SCARA3: variants seen among roughly 807,000 people sequenced by gnomAD.
SCARA3 encodes scavenger receptor class A member 3.
In SCARA3, 39 loss-of-function variants were observed where a neutral mutation model predicts 47.0. The ratio of observed to expected loss-of-function variants is 0.83; its 90% CI spans 0.64 to 1.08. The LOEUF (loss-of-function observed/expected upper bound fraction) is 1.08. Among genes scored for constraint, SCARA3 ranks in the 50% least tolerant of loss-of-function variants. SCARA3 has a pLI of 0.00. For missense variants in SCARA3, 724 were observed against 792.3 expected, an observed-to-expected ratio of 0.91 and a Z score of 1.04; for synonymous variants, 356 against 334.1, an observed-to-expected ratio of 1.07 and a Z score of -0.71.
chr8:27,658,912 CT>C lies in SCARA3; in HGVS notation c.743del (p.Leu248ProfsTer152). ...QRKTDEETLT[L>X]QKIVTDWQNY... Reference sequence around the variant, plus strand: ...GAAGACAGACGAGGAGACCCTGACCCTCCAGAAGATTGTCACCGACTGGCAG... The same window carrying C: ...GAAGACAGACGAGGAGACCCTGACCCCCAGAAGATTGTCACCGACTGGCAG... On this transcript the variant is annotated frameshift_variant, in exon 5 of 6. Coordinates refer to ENST00000301904, the MANE Select transcript of SCARA3 (RefSeq NM_016240.3). LOFTEE classifies it high-confidence loss of function. The C allele has an allele frequency of 6.2e-7, 1 of 1,614,150 alleles. No individual in the cohort carries two copies. Among genetic ancestry groups the C allele is most frequent in the Non-Finnish European group, 8.5e-7 (1 of 1,180,016 alleles).
chr8:27,646,090 C>T (rs908271941), intron 1 of SCARA3, among the ~76,000 whole-genome samples: 2 of 152,072 alleles, frequency 1.3e-5, no homozygotes. Context: ...CCCCACAGTC[C>T]GGGGCTTAGT....
chr8:27,673,941 G>A (rs1046366484), downstream of SCARA3, among the ~76,000 whole-genome samples: 6 of 152,184 alleles, frequency 3.9e-5, no homozygotes, highest in Non-Finnish European at 5.9e-5. Flanking sequence ...CAAGGACTGA[G>A]AGCAGTTGAG....
the SCARA3 span, among the ~76,000 whole-genome samples, chr8:27,713,956 G>C: frequency 6.6e-6 from 1 of 152,018 alleles, no homozygotes; most frequent in South Asian, 2.1e-4. Context: ...TTGCCATTGC[G>C]AGCTCTTGTG....
At position 27,659,011 on chromosome 8, in the gene SCARA3, G is replaced by A; in HGVS notation, c.841G>A (p.Ala281Thr). The change falls in exon 5 of 6, where the codon GCC becomes ACC. Residue 281 changes from alanine (A) to threonine (T), a missense_variant. By Grantham distance (58) the Ala-to-Thr change is moderately conservative (BLOSUM62 0). Transcript: ENST00000301904. ...TGGAGAGGCGGTCAAGAACATCCAGGCCACCCTGGGGGCCTCCTCACAGCG... is the reference window on the plus strand; with the variant it reads ...TGGAGAGGCGGTCAAGAACATCCAGACCACCCTGGGGGCCTCCTCACAGCG... ...KTGEAVKNIQ[A>T]TLGASSQRIS... 1.2e-6 allele frequency: 2 copies of A among 1,614,030 alleles called. No homozygotes were observed. The highest frequency in any genetic ancestry group is 8.5e-7 in the Non-Finnish European group (1 of 1,180,000).
intron 5 of SCARA3, among the ~76,000 whole-genome samples, chr8:27,670,135 G>T (rs1423713045): frequency 6.6e-6 from 1 of 152,172 alleles, no homozygotes; most frequent in Admixed American, 6.5e-5. Flanking sequence ...TCACAGGAGG[G>T]TCCATGGCTG....
the SCARA3 span, among the ~76,000 whole-genome samples, chr8:27,716,506 T>C: frequency 1.3e-5 from 2 of 152,128 alleles, no homozygotes; most frequent in Non-Finnish European, 2.9e-5. Flanking sequence ...CTCCTGCTAC[T>C]CAAATCTGGA....
the SCARA3 span, among the ~76,000 whole-genome samples, chr8:27,726,991 C>T: frequency 6.6e-6 from 1 of 152,066 alleles, no homozygotes; most frequent in Non-Finnish European, 1.5e-5. Flanking sequence ...TCAGGCTGGT[C>T]TTGAACTCCT....
In SCARA3 at chr8:27,670,832, C is replaced by T. The variant is rs1802130050; in HGVS notation, c.1370-68C>T. On this transcript the variant is annotated intron_variant, in intron 5 of 5. Coordinates refer to ENST00000301904, the MANE Select transcript of SCARA3 (RefSeq NM_016240.3). ...TCGGGCTGTCGCCGTGCCCGCTCTG[C>T]TCATGGGCGAGCCTCGGGTGGGGAG... 4 of 1,371,102 alleles carry T rather than the reference C, an allele frequency of 2.9e-6. No individual in the cohort carries two copies. The East Asian group carries it at 9.6e-5, about 33-fold the overall frequency. 84.9% of individuals were successfully genotyped at this position (1,371,102 alleles called of 1,614,324 possible).
the SCARA3 span, among the ~76,000 whole-genome samples, chr8:27,722,140 T>C: frequency 6.6e-6 from 1 of 152,230 alleles, no homozygotes; most frequent in Admixed American, 6.5e-5. Flanking sequence ...AAGGATGATA[T>C]GGTAGCATGA....
chr8:27,673,270 G>A (rs542398579), downstream of SCARA3, among the ~76,000 whole-genome samples: 4 of 152,348 alleles, frequency 2.6e-5, no homozygotes, highest in South Asian at 6.2e-4. Flanking sequence ...GCCTGGCCCT[G>A]GAGCTCTTTG....
chr8:27,640,121 C>T (rs1257483843), intron 1 of SCARA3, among the ~76,000 whole-genome samples: 2 of 152,188 alleles, frequency 1.3e-5, no homozygotes, highest in East Asian at 1.9e-4. Context: ...ATCTCTTTAT[C>T]GGGAGGCAAG....
chr8:27,659,964 A>G (rs1161804179), intron 5 of SCARA3, among the ~76,000 whole-genome samples: 3 of 151,550 alleles, frequency 2.0e-5, no homozygotes, highest in African/African-American at 4.9e-5. Flanking sequence ...TTTGCCTATT[A>G]TACAAATCTG....
chr8:27,710,590 C>G, the SCARA3 span, among the ~76,000 whole-genome samples: 68 of 152,186 alleles, frequency 4.5e-4, no homozygotes, highest in African/African-American at 1.4e-3. Context: ...ACTCCACTTT[C>G]CAAAACAAAC....
Position 27,672,165 on chromosome 8 carries a change from G to A in SCARA3, c.*814G>A, listed in dbSNP as rs34362688. The A allele has an allele frequency of 2.3e-4, 222 of 985,424 alleles. 1 individual carries two copies. In the African/African-American group the frequency reaches 3.2e-3, roughly 14 times the overall value. The allele number at this position is 985,424 out of a possible 1,614,324, so 61.0% of individuals were successfully genotyped here. On this transcript the variant is annotated 3_prime_UTR_variant, in exon 6 of 6. Transcript: ENST00000301904. ...GTCTGTCACAGCACAGTGGGGCCAC[G>A]AGGCTGACATTCTCTGGCCTTGCAC...
At chr8:27,704,403 G>T in the SCARA3 span, among the ~76,000 whole-genome samples, 1 of 152,094 alleles carries the variant, frequency 6.6e-6, no homozygotes, top group Non-Finnish European at 1.5e-5. Context: ...CTATGATTAT[G>T]CCACTGCACT....
chr8:27,663,294 A>C lies in SCARA3; in HGVS notation c.1369+3755A>C, dbSNP rs201449010. Among the ~76,000 whole-genome samples the C allele has an allele frequency of 3.7e-4, 56 of 152,342 alleles. No individual in the cohort carries two copies. In the East Asian group the frequency reaches 8.7e-3, roughly 24 times the overall value. ...AGGTGGTACCTACATGTCCTGCAGA[A>C]CCATCTGTAAACCAGGACTGAATCT... On this transcript the variant is annotated intron_variant, in intron 5 of 5. Transcript: ENST00000301904.
chr8:27,658,481 C>T lies in SCARA3; in HGVS notation c.326-15C>T. On this transcript the variant is annotated splice_polypyrimidine_tract_variant and intron_variant, in intron 4 of 5. Transcript: ENST00000301904. Reference sequence around the variant, plus strand: ...GCCCTTCAGCAACTCAAACTGTTATCCCTTTCCCCTAAAGATCCGAAAGCC... The same window carrying T: ...GCCCTTCAGCAACTCAAACTGTTATTCCTTTCCCCTAAAGATCCGAAAGCC... 6.3e-7 allele frequency: 1 copy of T among 1,580,534 alleles called. No individual in the cohort carries two copies. Among genetic ancestry groups the T allele is most frequent in the Non-Finnish European group, 8.6e-7 (1 of 1,165,792 alleles).
intron 3 of SCARA3, among the ~76,000 whole-genome samples, chr8:27,653,776 A>G (rs1801685490): frequency 1.3e-5 from 2 of 152,168 alleles, no homozygotes. Flanking sequence ...ACTATATTCT[A>G]TACTGGGCAG....
At chr8:27,731,568 G>C in the SCARA3 span, among the ~76,000 whole-genome samples, 2 of 149,830 alleles carry the variant, frequency 1.3e-5, no homozygotes, top group African/African-American at 4.9e-5. Context: ...TAATTGCCTC[G>C]GAGACGGAGG....
Sources: allele counts gnomAD v4.1 joint callset (sites outside exome capture counted in the v4.1 genomes callset), GRCh38; gene constraint gnomAD v4.1.1; transcripts MANE v1.5; gene names NCBI Gene and HGNC (gene_info 2026-07-23, HGNC 2026-07-21).